The following EYA4 variants were observed in gnomAD, a reference collection of about 807,000 sequenced individuals.
EYA4 encodes EYA transcriptional coactivator and phosphatase 4.
A neutral mutation model predicts 87.9 loss-of-function variants in EYA4; 31 were observed. The ratio of observed to expected loss-of-function variants is 0.35; its 90% CI spans 0.27 to 0.48. The LOEUF (loss-of-function observed/expected upper bound fraction) is 0.48, where lower values mean the gene tolerates loss of function less well. Ranked by LOEUF, EYA4 falls within the 20% of genes least tolerant of loss-of-function variation. EYA4 has a pLI of 0.99. For missense variants in EYA4, 678 were observed against 761.4 expected, an observed-to-expected ratio of 0.89 and a Z score of 1.29; for synonymous variants, 263 against 270.6, an observed-to-expected ratio of 0.97 and a Z score of 0.28.
Position 133,485,142 on chromosome 6 carries a change from G to A in EYA4, c.1191+2027G>A, listed in dbSNP as rs528732150. Among the ~76,000 whole-genome samples, 31 of 152,238 alleles carry A rather than the reference G, an allele frequency of 2.0e-4. No homozygotes were observed. In the South Asian group the frequency reaches 3.9e-3, roughly 19 times the overall value. On this transcript the variant is annotated intron_variant, in intron 13 of 19. Coordinates refer to ENST00000355286, the MANE Select transcript of EYA4 (RefSeq NM_004100.5). ...GTTCAACTTCTCTCAGCACTGCTGC[G>A]TCATGGAAATAAACCTGTCAGCTCC...
At chr6:133,342,605 A>ATATATATAATATATATATATATATC (rs1485897156) in intron 2 of EYA4, among the ~76,000 whole-genome samples, 6 of 130,458 alleles carry the variant, frequency 4.6e-5, no homozygotes, top group African/African-American at 1.6e-4. Context: ...ATATATATAT[A>ATATATATAATATATATATATATATC]ATTCTTTATA....
chr6:133,525,401 A>C, intron 19 of EYA4, 147 bp downstream of exon 19: 1 of 741,740 alleles, frequency 1.3e-6, no homozygotes. Context: ...CAATACTTAC[A>C]TTCAAATAAA....
intron 2 of EYA4, among the ~76,000 whole-genome samples, chr6:133,313,759 A>C (rs1780412893): frequency 6.6e-6 from 1 of 152,098 alleles, no homozygotes; most frequent in African/African-American, 2.4e-5. Context: ...TTCCTTACAC[A>C]GTTGTTAGAG....
intron 3 of EYA4, among the ~76,000 whole-genome samples, chr6:133,441,800 T>C (rs1792323943): frequency 6.6e-6 from 1 of 151,976 alleles, no homozygotes; most frequent in Non-Finnish European, 1.5e-5. Flanking sequence ...GTAATCAGAA[T>C]GAGTCAGGGT....
At chr6:133,484,100 C>T (rs1796485244) in intron 13 of EYA4, among the ~76,000 whole-genome samples, 1 of 152,136 alleles carries the variant, frequency 6.6e-6, no homozygotes, top group Non-Finnish European at 1.5e-5. Context: ...ACTGATGCAA[C>T]TCTGAAAGGC....
At chr6:133,525,806 A>G in intron 19 of EYA4, 1 of 671,990 alleles carries the variant, frequency 1.5e-6, no homozygotes, top group Non-Finnish European at 1.8e-6. Flanking sequence ...GGCAGATTTA[A>G]TAGCTGAAGA....
chr6:133,244,192 A>G (rs940353022), intron 1 of EYA4, among the ~76,000 whole-genome samples: 8 of 152,172 alleles, frequency 5.3e-5, no homozygotes, highest in African/African-American at 1.9e-4. Context: ...TCCTTTGTAA[A>G]TTTCCTGAAA....
intron 2 of EYA4, among the ~76,000 whole-genome samples, chr6:133,299,667 G>A (rs546285308): frequency 5.3e-5 from 8 of 150,832 alleles, no homozygotes; most frequent in African/African-American, 2.0e-4. Context: ...ATCCGAGATC[G>A]CGCCACTGCA....
In EYA4 at chr6:133,342,605, A is replaced by ATATC. The variant is rs1485897156; in HGVS notation, c.34-39787_34-39786insTATC. 8.4e-5 allele frequency among the ~76,000 whole-genome samples: 11 copies of ATATC among 130,440 alleles called. 1 individual carries two copies. Among genetic ancestry groups the ATATC allele is most frequent in the African/African-American group, 3.6e-4 (11 of 30,502 alleles). The allele number at this position is 130,440 out of a possible 152,430, so 85.6% of individuals were successfully genotyped here. A position where few individuals can be genotyped will look rare whatever the true frequency, so the allele number is the denominator to read the frequency against. On this transcript the variant is annotated intron_variant, in intron 2 of 19. Transcript: ENST00000355286. ...TATATATATATATATATATATATAT[A>ATATC]ATTCTTTATATTTCTCTGGGCTTAA...
chr6:133,489,632 A>C (rs1796971931), intron 13 of EYA4, among the ~76,000 whole-genome samples: 1 of 151,992 alleles, frequency 6.6e-6, no homozygotes, highest in South Asian at 2.1e-4. Flanking sequence ...AAAAAAAAAA[A>C]CCATATTTAC....
At chr6:133,379,656 C>G (rs1786005893) in intron 2 of EYA4, among the ~76,000 whole-genome samples, 1 of 152,054 alleles carries the variant, frequency 6.6e-6, no homozygotes, top group Non-Finnish European at 1.5e-5. Context: ...CTCAGTTCAC[C>G]CCATGGCTCC....
chr6:133,384,452 G>A (rs159410), intron 3 of EYA4, among the ~76,000 whole-genome samples: 58,767 of 151,982 alleles, frequency 0.39, 11,613 homozygotes, highest in East Asian at 0.53. Context: ...TTCCTAATCT[G>A]TAATGTAAAT....
At chr6:133,311,220 C>A (rs936669184) in intron 2 of EYA4, among the ~76,000 whole-genome samples, 2 of 152,196 alleles carry the variant, frequency 1.3e-5, no homozygotes, top group Non-Finnish European at 2.9e-5. Context: ...CTCTCTGGAC[C>A]ATGGTAGTTG....
intron 3 of EYA4, among the ~76,000 whole-genome samples, chr6:133,408,431 G>A (rs1037092355): frequency 3.3e-5 from 5 of 152,094 alleles, no homozygotes; most frequent in African/African-American, 9.7e-5. Flanking sequence ...TATATATTTG[G>A]TCTGGTTCTT....
intron 3 of EYA4, among the ~76,000 whole-genome samples, chr6:133,440,368 T>A (rs1166393410): frequency 6.6e-6 from 1 of 152,208 alleles, no homozygotes; most frequent in African/African-American, 2.4e-5. Flanking sequence ...TATTTGCATC[T>A]TTAATAGGAA....
At chr6:133,250,095 CT>C (rs1458410221) in intron 1 of EYA4, among the ~76,000 whole-genome samples, 1 of 152,180 alleles carries the variant, frequency 6.6e-6, no homozygotes, top group Non-Finnish European at 1.5e-5. Flanking sequence ...AGGGCAGTGA[CT>C]ATTACAAGGT....
At chr6:133,337,421 C>T (rs1277734160) in intron 2 of EYA4, among the ~76,000 whole-genome samples, 5 of 152,058 alleles carry the variant, frequency 3.3e-5, no homozygotes, top group African/African-American at 7.2e-5. Flanking sequence ...ATGCATGACT[C>T]GCTGGTTTTT....
At chr6:133,371,283 G>C (rs1785245231) in intron 2 of EYA4, among the ~76,000 whole-genome samples, 1 of 152,120 alleles carries the variant, frequency 6.6e-6, no homozygotes, top group African/African-American at 2.4e-5. Flanking sequence ...GGAAGAAAGG[G>C]AGGATAGATT....
intron 2 of EYA4, among the ~76,000 whole-genome samples, chr6:133,304,066 T>C (rs1779620751): frequency 6.6e-6 from 1 of 152,152 alleles, no homozygotes; most frequent in African/African-American, 2.4e-5. Context: ...GGATAGATAT[T>C]CCACTTGAAG....
Sources: gnomAD v4.1 joint callset for allele counts (sites outside exome capture counted in the v4.1 genomes callset) on GRCh38, gnomAD v4.1.1 for gene constraint, MANE v1.5 for transcripts, NCBI Gene and HGNC (gene_info 2026-07-23, HGNC 2026-07-21) for gene names.